The following KCTD16 variants were observed in gnomAD, a reference collection of about 807,000 sequenced individuals.
The protein encoded by KCTD16 is potassium channel tetramerization domain containing 16.
A neutral mutation model predicts 33.2 loss-of-function variants in KCTD16; 13 were observed. That is an observed-to-expected ratio of 0.39 (90% CI 0.25 to 0.62). KCTD16 has a LOEUF of 0.62. KCTD16 is among the 20% of genes least tolerant of loss of function. The probability of loss-of-function intolerance (pLI) is 0.50; values close to 1 mark genes in which losing one functional copy is unlikely to be tolerated. For synonymous variants in KCTD16, 197 were observed against 195.3 expected (o/e 1.01, Z -0.07); for missense variants, 441 against 525.1 (o/e 0.84, Z 1.57).
At chr5:144,398,335 C>T (rs150078379) in intron 3 of KCTD16, among the ~76,000 whole-genome samples, 12 of 152,322 alleles carry the variant, frequency 7.9e-5, no homozygotes, top group Admixed American at 2.0e-4. Flanking sequence ...GAGCTGCTTG[C>T]ATCTGTTATT....
chr5:144,297,258 C>A (rs995268483), intron 3 of KCTD16, among the ~76,000 whole-genome samples: 1 of 152,088 alleles, frequency 6.6e-6, no homozygotes, highest in African/African-American at 2.4e-5. Flanking sequence ...ATGGGTGTGC[C>A]CCTCTTTGAT....
chr5:144,282,431 G>GT (rs1421361111), intron 3 of KCTD16, among the ~76,000 whole-genome samples: 1 of 151,976 alleles, frequency 6.6e-6, no homozygotes, highest in Non-Finnish European at 1.5e-5. Context: ...ATCAGTAAGT[G>GT]TAAGTAAAGC....
chr5:144,183,986 G>T (rs1271740560), intron 2 of KCTD16, among the ~76,000 whole-genome samples: 2 of 152,054 alleles, frequency 1.3e-5, no homozygotes, highest in African/African-American at 4.8e-5. Flanking sequence ...CATTAGGTTT[G>T]TTACATTATC....
chr5:144,275,505 C>T (rs1312512838), intron 3 of KCTD16, among the ~76,000 whole-genome samples: 1 of 152,194 alleles, frequency 6.6e-6, no homozygotes, highest in Non-Finnish European at 1.5e-5. Flanking sequence ...TTCTCCCACT[C>T]TCTCTAAAAC....
At chr5:144,194,061 C>A (rs1752894554) in intron 2 of KCTD16, among the ~76,000 whole-genome samples, 1 of 152,002 alleles carries the variant, frequency 6.6e-6, no homozygotes, top group African/African-American at 2.4e-5. Flanking sequence ...GAGAAGAAAG[C>A]AAGGCCAAGC....
At chr5:144,416,592 C>A (rs1753060154) in intron 3 of KCTD16, among the ~76,000 whole-genome samples, 1 of 152,034 alleles carries the variant, frequency 6.6e-6, no homozygotes, top group South Asian at 2.1e-4. Flanking sequence ...TTATAGATGA[C>A]AAAATTCTTT....
intron 2 of KCTD16, among the ~76,000 whole-genome samples, chr5:144,180,010 C>G (rs536750354): frequency 1.3e-5 from 2 of 152,164 alleles, no homozygotes; most frequent in Admixed American, 6.5e-5. Context: ...GAGAAATGCT[C>G]CTGTTCCTCA....
intron 3 of KCTD16, among the ~76,000 whole-genome samples, chr5:144,392,814 A>G (rs1421212638): frequency 6.6e-6 from 1 of 152,172 alleles, no homozygotes; most frequent in Non-Finnish European, 1.5e-5. Context: ...CTTGGTGTGC[A>G]TGGAAACACA....
chr5:144,205,428 C>T (rs1366219230), intron 2 of KCTD16: 2 of 398,338 alleles, frequency 5.0e-6, no homozygotes, highest in Non-Finnish European at 8.8e-6. Context: ...CCACCCAGCT[C>T]CGCCGCCAGA....
At chr5:144,464,736 TTCTC>T (rs1301180300) in intron 3 of KCTD16, among the ~76,000 whole-genome samples, 1 of 151,604 alleles carries the variant, frequency 6.6e-6, no homozygotes, top group Non-Finnish European at 1.5e-5. Context: ...CTATTCCTCT[TTCTC>T]CTCTTCCTCT....
chr5:144,226,636 C>T (rs1191957912), intron 3 of KCTD16, among the ~76,000 whole-genome samples: 3 of 151,234 alleles, frequency 2.0e-5, no homozygotes, highest in East Asian at 1.9e-4. Flanking sequence ...GCAGTGGCAT[C>T]GTCTTGGCTC....
chr5:144,409,705 A>G (rs1752890005), intron 3 of KCTD16, among the ~76,000 whole-genome samples: 1 of 152,046 alleles, frequency 6.6e-6, no homozygotes, highest in Non-Finnish European at 1.5e-5. Context: ...TAAAAATACA[A>G]AAAATTGGCT....
At chr5:144,290,296 T>C (rs1755860017) in intron 3 of KCTD16, among the ~76,000 whole-genome samples, 1 of 151,902 alleles carries the variant, frequency 6.6e-6, no homozygotes, top group Non-Finnish European at 1.5e-5. Context: ...AGACCCTATC[T>C]CAAAAACAAA....
intron 2 of KCTD16, among the ~76,000 whole-genome samples, chr5:144,197,727 T>C (rs1752965560): frequency 6.6e-6 from 1 of 152,198 alleles, no homozygotes; most frequent in African/African-American, 2.4e-5. Context: ...CAGACAGGTT[T>C]GGTGTGATCC....
intron 3 of KCTD16, among the ~76,000 whole-genome samples, chr5:144,466,102 G>A (rs916708175): frequency 6.6e-6 from 1 of 152,122 alleles, no homozygotes; most frequent in African/African-American, 2.4e-5. Context: ...GCCTGCCAAA[G>A]TGCTGGGATT....
intron 3 of KCTD16, among the ~76,000 whole-genome samples, chr5:144,221,748 G>A (rs1323300845): frequency 1.3e-5 from 2 of 152,210 alleles, no homozygotes; most frequent in Non-Finnish European, 2.9e-5. Flanking sequence ...TGTCTTTAGA[G>A]TAGGATGATT....
chr5:144,360,827 C>T (rs1030071911), intron 3 of KCTD16, among the ~76,000 whole-genome samples: 4 of 152,088 alleles, frequency 2.6e-5, no homozygotes, highest in African/African-American at 7.2e-5. Flanking sequence ...TTGGTTCCAA[C>T]TCTTTGCTAT....
intron 3 of KCTD16, among the ~76,000 whole-genome samples, chr5:144,225,866 T>C (rs550232633): frequency 1.3e-5 from 2 of 152,302 alleles, no homozygotes; most frequent in Admixed American, 1.3e-4. Flanking sequence ...TGTAAGTATT[T>C]CATGTTAATA....
intron 3 of KCTD16, among the ~76,000 whole-genome samples, chr5:144,284,048 G>C (rs961902651): frequency 6.6e-6 from 1 of 152,096 alleles, no homozygotes; most frequent in African/African-American, 2.4e-5. Flanking sequence ...CTTTTAGGTG[G>C]ATTATTCTCA....
Sources: gnomAD v4.1 joint callset for allele counts (sites outside exome capture counted in the v4.1 genomes callset) on GRCh38, gnomAD v4.1.1 for gene constraint, MANE v1.5 for transcripts, NCBI Gene and HGNC (gene_info 2026-07-23, HGNC 2026-07-21) for gene names.